The following GATA4 variants were observed in gnomAD, a reference collection of about 807,000 sequenced individuals.
GATA4 encodes the protein transcription factor GATA-4.
In GATA4, 7 loss-of-function variants were observed where a neutral mutation model predicts 37.9. The ratio of observed to expected loss-of-function variants is 0.18; its 90% CI spans 0.11 to 0.35. The LOEUF (loss-of-function observed/expected upper bound fraction) is 0.35, where lower values mean the gene tolerates loss of function less well. Among genes scored for constraint, GATA4 ranks in the 10% least tolerant of loss-of-function variants. The probability of loss-of-function intolerance (pLI) is 1.00; values close to 1 mark genes in which losing one functional copy is unlikely to be tolerated. For missense variants in GATA4, 647 were observed against 653.0 expected, an observed-to-expected ratio of 0.99 and a Z score of 0.10; for synonymous variants, 372 against 292.6, an observed-to-expected ratio of 1.27 and a Z score of -2.77.
chr8:11,705,204 G>T (rs993580625), intron 1 of GATA4, among the ~76,000 whole-genome samples: 1 of 152,230 alleles, frequency 6.6e-6, no homozygotes, highest in African/African-American at 2.4e-5. Flanking sequence ...TTGGGGAAGC[G>T]CCTCGGGGAA....
intron 1 of GATA4, chr8:11,697,430 C>G: frequency 2.3e-6 from 1 of 434,702 alleles, no homozygotes; most frequent in Non-Finnish European, 3.1e-6. Context: ...TACAAGAAAC[C>G]GATGATTTCT....
intron 5 of GATA4, 84 bp downstream of exon 5, chr8:11,755,217 G>C (rs1335201358): frequency 2.7e-6 from 3 of 1,103,916 alleles, no homozygotes; most frequent in Non-Finnish European, 4.1e-6. Context: ...GGGTTAGGCA[G>C]GCCAGCCCGG....
chr8:11,736,299 G>T (rs1801450123), intron 2 of GATA4, among the ~76,000 whole-genome samples: 2 of 152,234 alleles, frequency 1.3e-5, no homozygotes, highest in African/African-American at 4.8e-5. Flanking sequence ...AGAATGCAGT[G>T]CCACGTTGAA....
chr8:11,681,307 TC>T (rs1798963147), intron 1 of GATA4: 6 of 985,264 alleles, frequency 6.1e-6, no homozygotes, highest in Non-Finnish European at 7.2e-6. Context: ...AAGAGCACTG[TC>T]TTCACCACTT....
chr8:11,690,742 G>T (rs956536997), upstream of GATA4, among the ~76,000 whole-genome samples: 1 of 152,092 alleles, frequency 6.6e-6, no homozygotes, highest in Non-Finnish European at 1.5e-5. Flanking sequence ...CTGGTGGTGC[G>T]CACCTGTACT....
At chr8:11,737,070 G>A (rs566112187) in intron 2 of GATA4, among the ~76,000 whole-genome samples, 16 of 152,134 alleles carry the variant, frequency 1.1e-4, no homozygotes, top group African/African-American at 3.9e-4. Context: ...AGGGTGACTC[G>A]GTGGATTAGC....
upstream of GATA4, chr8:11,692,560 G>A: frequency 1.0e-6 from 1 of 985,426 alleles, no homozygotes; most frequent in African/African-American, 1.7e-5. Flanking sequence ...GATCCTTCGG[G>A]CCGCGGCGGC....
chr8:11,697,628 G>T, intron 1 of GATA4: 1 of 985,418 alleles, frequency 1.0e-6, no homozygotes, highest in Non-Finnish European at 1.2e-6. Flanking sequence ...CGGGCCTCCG[G>T]CCCCAGCACA....
At position 11,710,281 on chromosome 8, in the gene GATA4, A is replaced by G. The variant is rs576672608; in HGVS notation, c.616+1353A>G. ...CCCCTCTTGGGGGAGCCAGACGGCC[A>G]CCCCCAGGGGAGGAGGGGCCCGGCC... On this transcript the variant is annotated intron_variant, in intron 2 of 6. Coordinates refer to ENST00000532059, the MANE Select transcript of GATA4 (RefSeq NM_001308093.3). Among the ~76,000 whole-genome samples, 18 of 151,426 alleles carry G rather than the reference A, an allele frequency of 1.2e-4. No homozygotes were observed. In the East Asian group the frequency reaches 3.1e-3, roughly 26 times the overall value.
At chr8:11,689,274 C>G (rs149631471), upstream of GATA4, among the ~76,000 whole-genome samples, 7 of 152,294 alleles carry the variant, frequency 4.6e-5, no homozygotes, top group East Asian at 9.7e-4. Flanking sequence ...CACTCAAAAT[C>G]CTTTACTTGG....
Position 11,755,031 on chromosome 8 carries a change from C to T in GATA4, c.913-15C>T, listed in dbSNP as rs1802485080. 7 of 1,607,110 alleles carry T rather than the reference C, an allele frequency of 4.4e-6. No individual in the cohort carries two copies. The highest frequency in any genetic ancestry group is 6.0e-6 in the Non-Finnish European group (7 of 1,173,770). On this transcript the variant is annotated splice_polypyrimidine_tract_variant and intron_variant, in intron 4 of 6. Transcript: ENST00000532059. Reference sequence around the variant, plus strand: ...AGAAATGGAAAACCCTATATATTTACTTGTGACCCTCCAGGTCCCCAGGCC... The same window carrying T: ...AGAAATGGAAAACCCTATATATTTATTTGTGACCCTCCAGGTCCCCAGGCC...
At chr8:11,706,849 A>G (rs1251884155) in intron 1 of GATA4, among the ~76,000 whole-genome samples, 1 of 152,152 alleles carries the variant, frequency 6.6e-6, no homozygotes, top group Non-Finnish European at 1.5e-5. Flanking sequence ...GAGGAGAGAC[A>G]CCTGTACTTA....
At chr8:11,713,739 G>T (rs892040121) in intron 2 of GATA4, among the ~76,000 whole-genome samples, 12 of 152,338 alleles carry the variant, frequency 7.9e-5, no homozygotes, top group African/African-American at 2.9e-4. Flanking sequence ...AATTGTGGTT[G>T]TGTGGAAATG....
intron 2 of GATA4, among the ~76,000 whole-genome samples, chr8:11,733,682 T>A (rs1801314841): frequency 6.6e-6 from 1 of 152,122 alleles, no homozygotes; most frequent in African/African-American, 2.4e-5. Context: ...TATGGAAAAA[T>A]GTCTAAACAG....
At chr8:11,727,313 G>C (rs946316561) in intron 2 of GATA4, among the ~76,000 whole-genome samples, 3 of 152,186 alleles carry the variant, frequency 2.0e-5, no homozygotes, top group Non-Finnish European at 4.4e-5. Context: ...GCAGAGGATG[G>C]GGGGAGAAGG....
At chr8:11,756,669 A>G (rs966871389) in intron 5 of GATA4, 1 of 547,782 alleles carries the variant, frequency 1.8e-6, no homozygotes, top group African/African-American at 1.9e-5. Context: ...TAAAAATGTG[A>G]ATCTTCAAGT....
intron 2 of GATA4, among the ~76,000 whole-genome samples, chr8:11,747,764 A>T (rs1802101714): frequency 6.6e-6 from 1 of 152,218 alleles, no homozygotes; most frequent in Non-Finnish European, 1.5e-5. Context: ...TAATAGCTGA[A>T]TGATACTAGT....
At chr8:11,703,512 G>GA (rs1189721776), upstream of GATA4, among the ~76,000 whole-genome samples, 2 of 152,164 alleles carry the variant, frequency 1.3e-5, no homozygotes, top group African/African-American at 2.4e-5. Flanking sequence ...GCAGGCTGCA[G>GA]AAAAAAGGGG....
rs181138914 is a variant in GATA4 at position 11,758,956 on chromosome 8, C to T, written c.*481C>T. 4 of 249,194 alleles carry T rather than the reference C, an allele frequency of 1.6e-5. No homozygotes were observed. Among genetic ancestry groups the T allele is most frequent in the East Asian group, 9.7e-5 (1 of 10,268 alleles). 15.4% of individuals were successfully genotyped at this position (249,194 alleles called of 1,614,324 possible). On this transcript the variant is annotated 3_prime_UTR_variant, in exon 7 of 7. Coordinates refer to ENST00000532059, the MANE Select transcript of GATA4 (RefSeq NM_001308093.3). Reference sequence around the variant, plus strand: ...CATCCATCCGCTTGAGGCATGGCACCGCCCTGCATCCCTAATACCAAATCT... The same window carrying T: ...CATCCATCCGCTTGAGGCATGGCACTGCCCTGCATCCCTAATACCAAATCT...
Sources: gnomAD v4.1 joint callset for allele counts (sites outside exome capture counted in the v4.1 genomes callset) on GRCh38, gnomAD v4.1.1 for gene constraint, MANE v1.5 for transcripts, NCBI Gene and HGNC (gene_info 2026-07-23, HGNC 2026-07-21) for gene names.